PALLD: variants seen among roughly 807,000 people sequenced by gnomAD.
The protein encoded by PALLD is palladin.
PALLD carries 61 observed loss-of-function variants against 123.5 expected under a neutral mutation model. The ratio of observed to expected loss-of-function variants is 0.49; its 90% CI spans 0.40 to 0.61. The LOEUF is 0.61. Among genes scored for constraint, PALLD ranks in the 20% least tolerant of loss-of-function variants. PALLD has a pLI of 0.00. For missense variants in PALLD, 1,273 were observed against 1,377.0 expected, an observed-to-expected ratio of 0.92 and a Z score of 1.20; for synonymous variants, 465 against 496.4, an observed-to-expected ratio of 0.94 and a Z score of 0.84.
At chr4:168,508,188 T>A (rs1299799540) in intron 1 of PALLD, among the ~76,000 whole-genome samples, 1 of 152,208 alleles carries the variant, frequency 6.6e-6, no homozygotes, top group Non-Finnish European at 1.5e-5. Flanking sequence ...GAGATGAATA[T>A]GCTAGTTGCC....
chr4:168,811,781 C>A (rs1231014931), intron 10 of PALLD, among the ~76,000 whole-genome samples: 3 of 33,922 alleles, frequency 8.8e-5, no homozygotes, highest in Non-Finnish European at 3.8e-4. Flanking sequence ...CTCTCTCACA[C>A]ACACACACAC....
intron 2 of PALLD, among the ~76,000 whole-genome samples, chr4:168,520,345 A>AGAGAGAGAG (rs1554034674): frequency 1.4e-4 from 6 of 41,810 alleles, no homozygotes; most frequent in African/African-American, 6.5e-4. Context: ...AAAAAAAAAA[A>AGAGAGAGAG]AAAGAGAGAG....
At chr4:168,884,718 T>C (rs1411588914) in intron 10 of PALLD, among the ~76,000 whole-genome samples, 1 of 152,232 alleles carries the variant, frequency 6.6e-6, no homozygotes, top group Non-Finnish European at 1.5e-5. Context: ...TAAGGGTTAT[T>C]TGCACATTCT....
At chr4:168,558,440 T>C (rs1397234702) in intron 2 of PALLD, among the ~76,000 whole-genome samples, 1 of 152,282 alleles carries the variant, frequency 6.6e-6, no homozygotes, top group Non-Finnish European at 1.5e-5. Flanking sequence ...TGGCCCTTCC[T>C]CCATCACCAG....
chr4:168,722,746 T>C (rs1383934878), intron 10 of PALLD, among the ~76,000 whole-genome samples: 1 of 152,182 alleles, frequency 6.6e-6, no homozygotes, highest in African/African-American at 2.4e-5. Flanking sequence ...ACTGTGAAGG[T>C]AGAAACAGGA....
chr4:168,689,317 A>G (rs1358942828), intron 6 of PALLD, among the ~76,000 whole-genome samples: 2 of 152,084 alleles, frequency 1.3e-5, no homozygotes. Flanking sequence ...ATACAAACAA[A>G]CAAAACAATT....
intron 2 of PALLD, among the ~76,000 whole-genome samples, chr4:168,560,455 C>T (rs1483009856): frequency 2.0e-5 from 3 of 152,180 alleles, no homozygotes; most frequent in Non-Finnish European, 4.4e-5. Flanking sequence ...CAGGTTCACA[C>T]ATAATTTGAA....
chr4:168,836,741 G>A (rs1379259898), intron 10 of PALLD, among the ~76,000 whole-genome samples: 6 of 152,280 alleles, frequency 3.9e-5, no homozygotes, highest in Middle Eastern at 6.8e-3. Context: ...CGAAGTAGGC[G>A]GCCCTCAGCT....
intron 2 of PALLD, among the ~76,000 whole-genome samples, chr4:168,534,678 C>T (rs558384496): frequency 2.0e-5 from 3 of 152,320 alleles, no homozygotes; most frequent in Non-Finnish European, 4.4e-5. Flanking sequence ...TGTAATAGCA[C>T]ATGTCTGCTT....
chr4:168,563,975 C>T (rs1174233408), intron 2 of PALLD, among the ~76,000 whole-genome samples: 1 of 152,186 alleles, frequency 6.6e-6, no homozygotes, highest in Non-Finnish European at 1.5e-5. Context: ...TAATACACCT[C>T]GTACCCATTA....
intron 8 of PALLD, among the ~76,000 whole-genome samples, chr4:168,696,828 T>C (rs1350027196): frequency 6.6e-6 from 1 of 151,994 alleles, no homozygotes; most frequent in Admixed American, 6.6e-5. Context: ...GGCAACAAAG[T>C]TAGAGATGCA....
intron 10 of PALLD, among the ~76,000 whole-genome samples, chr4:168,857,938 C>T (rs1748839224): frequency 6.6e-6 from 1 of 152,184 alleles, no homozygotes; most frequent in Non-Finnish European, 1.5e-5. Context: ...TAATGCTTTC[C>T]CTGGTGTTAC....
intron 2 of PALLD, among the ~76,000 whole-genome samples, chr4:168,539,428 A>T (rs1765393961): frequency 6.6e-6 from 1 of 152,080 alleles, no homozygotes; most frequent in African/African-American, 2.4e-5. Flanking sequence ...TTTCTACTAA[A>T]AATACAAAAA....
intron 2 of PALLD, among the ~76,000 whole-genome samples, chr4:168,582,361 T>C (rs1286367255): frequency 6.6e-6 from 1 of 152,136 alleles, no homozygotes; most frequent in African/African-American, 2.4e-5. Flanking sequence ...ATCAGATTTT[T>C]TGTGGAGTCG....
chr4:168,649,189 T>C (rs1326734563), intron 2 of PALLD, among the ~76,000 whole-genome samples: 4 of 152,174 alleles, frequency 2.6e-5, no homozygotes, highest in African/African-American at 9.7e-5. Flanking sequence ...TATAATACAG[T>C]GTGGTATTTT....
chr4:168,875,095 A>G (rs1270677799), intron 10 of PALLD, among the ~76,000 whole-genome samples: 1 of 151,980 alleles, frequency 6.6e-6, no homozygotes, highest in Non-Finnish European at 1.5e-5. Context: ...AATACATACT[A>G]TTTGGAAATA....
At chr4:168,607,049 A>C (rs1013636612) in intron 2 of PALLD, among the ~76,000 whole-genome samples, 2 of 152,226 alleles carry the variant, frequency 1.3e-5, no homozygotes, top group African/African-American at 4.8e-5. Context: ...ACCTATGCTA[A>C]GAACCTAAGA....
intron 15 of PALLD, among the ~76,000 whole-genome samples, chr4:168,908,177 T>G (rs2151354865): frequency 6.6e-6 from 1 of 152,320 alleles, no homozygotes; most frequent in South Asian, 2.1e-4. Flanking sequence ...CCCCTTCTTT[T>G]CTGTCTTGGG....
chr4:168,595,411 C>A (rs1162316964), intron 2 of PALLD, among the ~76,000 whole-genome samples: 1 of 151,998 alleles, frequency 6.6e-6, no homozygotes, highest in African/African-American at 2.4e-5. Context: ...TATGGTGGGG[C>A]CCAGGGGTCT....
Sources: allele counts gnomAD v4.1 joint callset (sites outside exome capture counted in the v4.1 genomes callset), GRCh38; gene constraint gnomAD v4.1.1; transcripts MANE v1.5; gene names NCBI Gene and HGNC (gene_info 2026-07-23, HGNC 2026-07-21).